Variants in RBFOX1 observed in about 807,000 individuals in gnomAD.
The protein encoded by RBFOX1 is RNA binding fox-1 homolog 1.
RBFOX1 carries 8 observed loss-of-function variants against 57.7 expected under a neutral mutation model. That is an observed-to-expected ratio of 0.14 (90% CI 0.08 to 0.25). The LOEUF (loss-of-function observed/expected upper bound fraction) is 0.25, where lower values mean the gene tolerates loss of function less well. Ranked by LOEUF, RBFOX1 falls within the 10% of genes least tolerant of loss-of-function variation. RBFOX1 has a pLI of 1.00. For missense variants in RBFOX1, 611 were observed against 548.5 expected (o/e 1.11, Z -1.14); for synonymous variants, 326 against 222.4 (o/e 1.47, Z -4.15).
At chr16:7,630,461 G>T (rs993577886) in intron 10 of RBFOX1, 142 bp from the exon 11 acceptor site, 1 of 1,507,158 alleles carries the variant, frequency 6.6e-7, no homozygotes, top group Non-Finnish European at 8.8e-7. Flanking sequence ...AAGGCAGGGG[G>T]CTTTGTTGGG....
chr16:7,106,362 G>C (rs540591667), intron 4 of RBFOX1, among the ~76,000 whole-genome samples: 35 of 152,204 alleles, frequency 2.3e-4, no homozygotes, highest in African/African-American at 8.4e-4. Context: ...GTTGAGAATT[G>C]GCAAATGGAG....
At chr16:6,304,658 G>A (rs767766562) in intron 1 of RBFOX1, among the ~76,000 whole-genome samples, 7 of 151,960 alleles carry the variant, frequency 4.6e-5, no homozygotes, top group Admixed American at 2.0e-4. Context: ...GGCAGCAAGC[G>A]GATCACTTGA....
intron 2 of RBFOX1, among the ~76,000 whole-genome samples, chr16:6,596,989 G>A (rs539810499): frequency 7.9e-5 from 12 of 152,258 alleles, no homozygotes; most frequent in South Asian, 6.2e-4. Context: ...ATGAGCTCTC[G>A]AGAGGGGAAC....
At chr16:6,458,558 A>T (rs188575274) in intron 2 of RBFOX1, among the ~76,000 whole-genome samples, 1 of 152,322 alleles carries the variant, frequency 6.6e-6, no homozygotes, top group Non-Finnish European at 1.5e-5. Flanking sequence ...CAGACAAACC[A>T]GGCATCAACC....
chr16:6,271,653 A>C (rs1402614668), intron 1 of RBFOX1, among the ~76,000 whole-genome samples: 1 of 152,210 alleles, frequency 6.6e-6, no homozygotes, highest in Non-Finnish European at 1.5e-5. Flanking sequence ...AAAAGGTAGT[A>C]AGGGAATACC....
At position 5,454,926 on chromosome 16, in the gene RBFOX1, TCTTCCTTCCTTCCTTC is replaced by T. The variant is rs1162105535; in HGVS notation, c.220-12270_220-12255del. Among the ~76,000 whole-genome samples, 125 of 54,808 alleles carry T rather than the reference TCTTCCTTCCTTCCTTC, an allele frequency of 2.3e-3. 2 individuals are homozygous for T. The highest frequency in any genetic ancestry group is 0.014 in the Middle Eastern group (2 of 148). 36.0% of individuals were successfully genotyped at this position (54,808 alleles called of 152,430 possible). On this transcript the variant is annotated intron_variant, in intron 1 of 2. Coordinates refer to the RBFOX1 transcript ENST00000585867. ...TCTTTCTTTCTTTCCTTTGTTTCTT[TCTTCCTTCCTTCCTTC>T]CTTCCTTCCTTCCTTCCTTTCTTTC... is the stretch of plus-strand genomic sequence containing the variant.
chr16:6,992,447 A>T (rs1302589050), intron 3 of RBFOX1, among the ~76,000 whole-genome samples: 1 of 152,046 alleles, frequency 6.6e-6, no homozygotes, highest in Non-Finnish European at 1.5e-5. Context: ...TGAACTCTTG[A>T]TCTCACGTGA....
chr16:7,203,391 A>G (rs930513056), intron 4 of RBFOX1, among the ~76,000 whole-genome samples: 4 of 152,216 alleles, frequency 2.6e-5, no homozygotes, highest in Admixed American at 2.6e-4. Flanking sequence ...GGTAGGGGAA[A>G]GGACAGTTAT....
intron 2 of RBFOX1, among the ~76,000 whole-genome samples, chr16:6,440,534 G>T (rs991071839): frequency 1.3e-5 from 2 of 152,144 alleles, no homozygotes. Flanking sequence ...GGGTGCAGTG[G>T]CACATGCCTG....
chr16:6,771,501 C>G (rs1477522970), intron 3 of RBFOX1, among the ~76,000 whole-genome samples: 1 of 152,000 alleles, frequency 6.6e-6, no homozygotes, highest in East Asian at 1.9e-4. Context: ...AGTCAGCAGT[C>G]CTAGCAAACC....
intron 3 of RBFOX1, among the ~76,000 whole-genome samples, chr16:6,952,510 C>T (rs1397844841): frequency 1.3e-5 from 2 of 151,908 alleles, no homozygotes; most frequent in Admixed American, 6.6e-5. Flanking sequence ...TGGTCATGCA[C>T]ACCTGTAGTC....
intron 2 of RBFOX1, among the ~76,000 whole-genome samples, chr16:5,488,112 G>A (rs1402397969): frequency 7.1e-6 from 1 of 140,080 alleles, no homozygotes; most frequent in African/African-American, 2.9e-5. Context: ...TGGTGGTGGT[G>A]GTGATGATGA....
At chr16:6,953,878 C>T (rs1320358475) in intron 3 of RBFOX1, among the ~76,000 whole-genome samples, 1 of 152,124 alleles carries the variant, frequency 6.6e-6, no homozygotes, top group Admixed American at 6.5e-5. Flanking sequence ...GCGGCCAAAG[C>T]CAGTTGTTGA....
intron 4 of RBFOX1, among the ~76,000 whole-genome samples, chr16:7,424,993 A>G (rs909501784): frequency 1.2e-4 from 18 of 152,220 alleles, no homozygotes; most frequent in African/African-American, 4.3e-4. Context: ...TGGTATGAGT[A>G]TAATACAAGT....
intron 4 of RBFOX1, among the ~76,000 whole-genome samples, chr16:7,251,109 A>T (rs759907680): frequency 2.0e-5 from 3 of 152,182 alleles, no homozygotes; most frequent in African/African-American, 7.2e-5. Context: ...TCTTGAAACT[A>T]TTCCTCCTAT....
intron 4 of RBFOX1, among the ~76,000 whole-genome samples, chr16:5,934,337 A>G (rs897558184): frequency 2.8e-4 from 42 of 152,272 alleles, no homozygotes; most frequent in African/African-American, 1.9e-4. Context: ...TGTTTATTAT[A>G]TCTATTGTGC....
Position 7,510,127 on chromosome 16 carries a change from T to C in RBFOX1, c.28-8020T>C, listed in dbSNP as rs1374572103. ...GGTTGGTTTTGGGAGCAGTCAGATG[T>C]TGAGGGGGAGGTCAGCCAGGCGGCC... is the stretch of plus-strand genomic sequence containing the variant. On this transcript the variant is annotated intron_variant, in intron 4 of 15. Transcript: ENST00000550418. 14 of 985,842 alleles carry C rather than the reference T, an allele frequency of 1.4e-5. No homozygotes were observed. The East Asian group carries it at 4.6e-4, about 32-fold the overall frequency. 61.1% of individuals were successfully genotyped at this position (985,842 alleles called of 1,614,324 possible).
chr16:6,880,730 T>C (rs1041011049), intron 3 of RBFOX1, among the ~76,000 whole-genome samples: 2 of 152,212 alleles, frequency 1.3e-5, no homozygotes, highest in Admixed American at 1.3e-4. Flanking sequence ...TGGACGATGA[T>C]TATTTTATGA....
At chr16:6,795,625 G>C (rs1202949377) in intron 3 of RBFOX1, among the ~76,000 whole-genome samples, 1 of 151,998 alleles carries the variant, frequency 6.6e-6, no homozygotes, top group African/African-American at 2.4e-5. Context: ...AATTAGCCTG[G>C]CATGGTTGGG....
Sources: allele counts gnomAD v4.1 joint callset (sites outside exome capture counted in the v4.1 genomes callset), GRCh38; gene constraint gnomAD v4.1.1; transcripts MANE v1.5; gene names NCBI Gene and HGNC (gene_info 2026-07-23, HGNC 2026-07-21).